The following RBFOX1 variants were observed in gnomAD, a reference collection of about 807,000 sequenced individuals.
RBFOX1 encodes the protein RNA binding fox-1 homolog 1, also known as RNA binding protein fox-1 homolog 1.
In RBFOX1, 8 loss-of-function variants were observed where a neutral mutation model predicts 57.7. That is an observed-to-expected ratio of 0.14 (90% confidence interval 0.08 to 0.25). The LOEUF is 0.25. Among genes scored for constraint, RBFOX1 ranks in the 10% least tolerant of loss-of-function variants. RBFOX1 has a pLI of 1.00. For synonymous variants in RBFOX1, 326 were observed against 222.4 expected, an observed-to-expected ratio of 1.47 and a Z score of -4.15; for missense variants, 611 against 548.5, an observed-to-expected ratio of 1.11 and a Z score of -1.14.
chr16:6,836,564 G>T (rs919756792), intron 3 of RBFOX1, among the ~76,000 whole-genome samples: 2 of 152,146 alleles, frequency 1.3e-5, no homozygotes. Flanking sequence ...GGAACCTTTT[G>T]TGCCTAGAGA....
intron 3 of RBFOX1, among the ~76,000 whole-genome samples, chr16:6,915,187 C>A (rs574595282): frequency 3.9e-5 from 6 of 152,190 alleles, no homozygotes; most frequent in African/African-American, 1.4e-4. Flanking sequence ...CTGCTTTCCC[C>A]AGGCTCCCGG....
chr16:7,333,023 C>A (rs1389613810), intron 4 of RBFOX1: 1 of 1,613,680 alleles, frequency 6.2e-7, no homozygotes, highest in Non-Finnish European at 8.5e-7. Flanking sequence ...TCAAGGAGTT[C>A]TCCTGCATCC....
At chr16:5,397,616 A>G (rs2066597540) in intron 1 of RBFOX1, among the ~76,000 whole-genome samples, 4 of 152,216 alleles carry the variant, frequency 2.6e-5, no homozygotes, top group Non-Finnish European at 4.4e-5. Flanking sequence ...CAATTTCTTC[A>G]ATAGATGAAA....
intron 2 of RBFOX1, among the ~76,000 whole-genome samples, chr16:6,617,594 T>G (rs2098162465): frequency 6.6e-6 from 1 of 152,038 alleles, no homozygotes; most frequent in African/African-American, 2.4e-5. Flanking sequence ...CACTTACATG[T>G]GGGGGTTCCA....
At chr16:7,111,771 C>A (rs56754469) in intron 4 of RBFOX1, among the ~76,000 whole-genome samples, 40,266 of 149,970 alleles carry the variant, frequency 0.27, 5,621 homozygotes, top group East Asian at 0.46. Context: ...TTTTTTTTAT[C>A]TTCAAGGTTC....
chr16:7,413,856 T>C (rs1044969807), intron 4 of RBFOX1, among the ~76,000 whole-genome samples: 3 of 152,154 alleles, frequency 2.0e-5, no homozygotes, highest in Admixed American at 1.3e-4. Context: ...TTGAGGTTGA[T>C]GAGACTCATC....
Position 5,762,264 on chromosome 16 carries a change from A to G in RBFOX1, c.319-105039A>G, listed in dbSNP as rs2053618751. 2.0e-5 allele frequency among the ~76,000 whole-genome samples: 3 copies of G among 152,118 alleles called. 1 individual carries two copies. The highest frequency in any genetic ancestry group is 2.0e-4 in the Admixed American group (3 of 15,280). ...AATCTAAATGGCCGGGACACTTGGAAAAATGTTCAGACTGGGTAGCAACAA... is the reference window on the plus strand; with the variant it reads ...AATCTAAATGGCCGGGACACTTGGAGAAATGTTCAGACTGGGTAGCAACAA... On this transcript the variant is annotated intron_variant, in intron 3 of 19. Coordinates refer to the RBFOX1 transcript ENST00000641259.
intron 2 of RBFOX1, among the ~76,000 whole-genome samples, chr16:6,477,429 G>A (rs904790325): frequency 3.9e-5 from 6 of 152,166 alleles, no homozygotes; most frequent in African/African-American, 1.4e-4. Flanking sequence ...TTCTCCATCA[G>A]AGCTTTCCGG....
At chr16:5,610,090 C>CG (rs1245267629) in intron 3 of RBFOX1, among the ~76,000 whole-genome samples, 2 of 152,150 alleles carry the variant, frequency 1.3e-5, no homozygotes, top group African/African-American at 4.8e-5. Context: ...ACTTACTTGC[C>CG]GGCTTGCTGT....
At chr16:5,896,918 C>G (rs2058179151) in intron 4 of RBFOX1, among the ~76,000 whole-genome samples, 1 of 151,798 alleles carries the variant, frequency 6.6e-6, no homozygotes. Flanking sequence ...AAATCTCTCA[C>G]CTTTGTCTCT....
intron 4 of RBFOX1, among the ~76,000 whole-genome samples, chr16:7,446,536 T>TAA (rs2150060826): frequency 6.6e-6 from 1 of 152,306 alleles, no homozygotes; most frequent in South Asian, 2.1e-4. Flanking sequence ...AGATTGATGT[T>TAA]AATTGCATTT....
At chr16:6,390,445 G>T (rs368120726) in intron 2 of RBFOX1, among the ~76,000 whole-genome samples, 45 of 151,940 alleles carry the variant, frequency 3.0e-4, no homozygotes, top group African/African-American at 1.1e-3. Flanking sequence ...AAATGTTTTG[G>T]ATGACTTCAG....
intron 2 of RBFOX1, among the ~76,000 whole-genome samples, chr16:6,491,750 C>G (rs538788180): frequency 1.5e-4 from 23 of 152,244 alleles, no homozygotes; most frequent in African/African-American, 5.5e-4. Context: ...TCAAGGGTTA[C>G]CAACAGCTAG....
intron 4 of RBFOX1, among the ~76,000 whole-genome samples, chr16:5,891,089 G>A (rs562589081): frequency 3.9e-5 from 6 of 152,286 alleles, no homozygotes; most frequent in East Asian, 1.9e-4. Context: ...CTTGTCAACC[G>A]TAACTGTTAG....
chr16:5,380,911 T>C (rs534321383), intron 1 of RBFOX1, among the ~76,000 whole-genome samples: 1 of 152,358 alleles, frequency 6.6e-6, no homozygotes, highest in African/African-American at 2.4e-5. Context: ...AGATAAAGAA[T>C]GCTTTGTGAT....
At chr16:6,434,721 C>G (rs1237559819) in intron 2 of RBFOX1, among the ~76,000 whole-genome samples, 1 of 152,202 alleles carries the variant, frequency 6.6e-6, no homozygotes, top group East Asian at 1.9e-4. Flanking sequence ...TCCAACTAGA[C>G]AGAGAACTCT....
chr16:6,654,552 G>A (rs1002788662), intron 2 of RBFOX1, 51 bp from the exon 3 acceptor site: 6 of 1,403,374 alleles, frequency 4.3e-6, no homozygotes, highest in Non-Finnish European at 5.7e-6. Flanking sequence ...CTGACCATAA[G>A]TCTGACTCCT....
chr16:6,219,792 C>G (rs2097359997), intron 1 of RBFOX1, among the ~76,000 whole-genome samples: 1 of 152,114 alleles, frequency 6.6e-6, no homozygotes, highest in Non-Finnish European at 1.5e-5. Flanking sequence ...AGGAGAATCA[C>G]TTGAACCCAG....
At chr16:7,332,860 C>G in intron 4 of RBFOX1, 1 of 1,467,452 alleles carries the variant, frequency 6.8e-7, no homozygotes, top group Non-Finnish European at 9.0e-7. Context: ...TTTCCTCTCC[C>G]GGCGTTGATG....
Sources: gnomAD v4.1 joint callset for allele counts (sites outside exome capture counted in the v4.1 genomes callset) on GRCh38, gnomAD v4.1.1 for gene constraint, MANE v1.5 for transcripts, NCBI Gene and HGNC (gene_info 2026-07-23, HGNC 2026-07-21) for gene names.